FGD3: variants seen among roughly 807,000 people sequenced by gnomAD.
FGD3 encodes the protein FYVE, RhoGEF and PH domain-containing protein 3.
Under a neutral mutation model 71.8 loss-of-function variants are expected in FGD3, and 45 were observed. That is an observed-to-expected ratio of 0.63 (90% CI 0.49 to 0.80). FGD3 has a LOEUF of 0.80. Among genes scored for constraint, FGD3 ranks in the 30% least tolerant of loss-of-function variants. FGD3 has a pLI of 0.00. For synonymous variants in FGD3, 378 were observed against 392.8 expected, an observed-to-expected ratio of 0.96 and a Z score of 0.44; for missense variants, 844 against 951.5, an observed-to-expected ratio of 0.89 and a Z score of 1.49.
In FGD3 at chr9:93,032,833, A is replaced by T. The variant is rs1862408000; in HGVS notation, c.1745A>T (p.Asp582Val). 1 of 1,614,072 alleles carries T rather than the reference A, an allele frequency of 6.2e-7. No individual in the cohort carries two copies. The highest frequency in any genetic ancestry group is 8.5e-7 in the Non-Finnish European group (1 of 1,180,020). Reference sequence around the variant, plus strand: ...AGCCGGCAGAGCCGTGTCTGCAGAGATTGTTTCCTGACACAGCCAGTGGCC... The same window carrying T: ...AGCCGGCAGAGCCGTGTCTGCAGAGTTTGTTTCCTGACACAGCCAGTGGCC... Reference protein sequence around the residue: ...ENSRQSRVCRDCFLTQPVAPE... With the variant: ...ENSRQSRVCRVCFLTQPVAPE... Residue 582 changes from aspartate (D) to valine (V), a missense_variant, in exon 16 of 18, where the codon GAT becomes GTT. Asp to Val is a radical substitution (Grantham distance 152). Transcript: ENST00000375482.
At chr9:92,955,871 A>T (rs775884830) in intron 1 of FGD3, among the ~76,000 whole-genome samples, 3 of 152,202 alleles carry the variant, frequency 2.0e-5, no homozygotes, top group Non-Finnish European at 4.4e-5. Flanking sequence ...ATCCCTTGGG[A>T]TTCCTCTAAG....
intron 3 of FGD3, among the ~76,000 whole-genome samples, chr9:92,990,479 G>A (rs1860364981): frequency 6.6e-6 from 1 of 152,180 alleles, no homozygotes; most frequent in Non-Finnish European, 1.5e-5. Flanking sequence ...GGGGAAAGTG[G>A]GCATCCTTGT....
intron 14 of FGD3, among the ~76,000 whole-genome samples, chr9:93,023,552 T>C (rs576408410): frequency 2.5e-4 from 38 of 152,216 alleles, no homozygotes; most frequent in African/African-American, 9.1e-4. Flanking sequence ...GGTGGGCAGC[T>C]TGGGGGAAAG....
chr9:92,972,902 C>T (rs1227938889), intron 1 of FGD3, among the ~76,000 whole-genome samples: 1 of 152,126 alleles, frequency 6.6e-6, no homozygotes, highest in Non-Finnish European at 1.5e-5. Flanking sequence ...TGGTCTCACA[C>T]TTCGTAGTTT....
chr9:93,007,129 A>C (rs577428787), intron 6 of FGD3, among the ~76,000 whole-genome samples: 3 of 146,684 alleles, frequency 2.0e-5, no homozygotes, highest in Non-Finnish European at 3.0e-5. Context: ...CTCACTCTGT[A>C]GCCCAGGCTG....
chr9:92,953,657 A>G (rs1196602681), intron 1 of FGD3, among the ~76,000 whole-genome samples: 1 of 152,206 alleles, frequency 6.6e-6, no homozygotes, highest in African/African-American at 2.4e-5. Context: ...ACAGTTCCAG[A>G]TCTGGGCTTG....
intron 1 of FGD3, among the ~76,000 whole-genome samples, chr9:92,973,787 G>C (rs1338483554): frequency 1.3e-5 from 2 of 152,164 alleles, no homozygotes; most frequent in East Asian, 3.9e-4. Flanking sequence ...CACACATGCT[G>C]AACGGTCCTC....
intron 10 of FGD3, among the ~76,000 whole-genome samples, chr9:93,016,518 A>C (rs1040364281): frequency 4.7e-5 from 7 of 150,500 alleles, no homozygotes; most frequent in African/African-American, 1.7e-4. Context: ...TTGTATTTTT[A>C]GTAGAGAAGG....
intron 1 of FGD3, among the ~76,000 whole-genome samples, chr9:92,973,167 T>G (rs1859600589): frequency 7.1e-6 from 1 of 139,902 alleles, no homozygotes; most frequent in Non-Finnish European, 1.5e-5. Context: ...CAGGCTGGAG[T>G]GCAGTTGTGC....
chr9:93,004,544 G>A (rs1244231627), intron 5 of FGD3, among the ~76,000 whole-genome samples: 1 of 152,132 alleles, frequency 6.6e-6, no homozygotes, highest in Non-Finnish European at 1.5e-5. Flanking sequence ...TCCTCCTCCT[G>A]CTGTCCCTGT....
chr9:93,032,004 T>C (rs1003624339), intron 15 of FGD3, among the ~76,000 whole-genome samples: 17 of 152,202 alleles, frequency 1.1e-4, no homozygotes, highest in Admixed American at 1.1e-3. Flanking sequence ...GAAAAGTCAC[T>C]GAGGAGCACT....
intron 1 of FGD3, among the ~76,000 whole-genome samples, chr9:92,952,388 C>T (rs1858970644): frequency 2.6e-5 from 4 of 152,230 alleles, no homozygotes; most frequent in Admixed American, 2.6e-4. Flanking sequence ...AGGCACCCGC[C>T]ACCACGCCCG....
chr9:92,996,248 T>G (rs1005801362), intron 3 of FGD3, among the ~76,000 whole-genome samples: 11 of 152,324 alleles, frequency 7.2e-5, no homozygotes, highest in Non-Finnish European at 1.3e-4. Context: ...TCTTCTAGAT[T>G]TTCTAGTTTA....
At chr9:93,026,880 G>T (rs1468237762) in intron 14 of FGD3, among the ~76,000 whole-genome samples, 4 of 152,260 alleles carry the variant, frequency 2.6e-5, no homozygotes, top group Admixed American at 2.6e-4. Context: ...CCGGGGTCAA[G>T]AGCAGGCAGT....
In FGD3 at chr9:93,028,448, C is replaced by T. The variant is rs559403925; in HGVS notation, c.1558-1426C>T. 6.1e-4 allele frequency among the ~76,000 whole-genome samples: 93 copies of T among 152,062 alleles called. 2 individuals are homozygous for T. In the South Asian group the frequency reaches 0.018, roughly 29 times the overall value. On this transcript the variant is annotated intron_variant, in intron 14 of 17. Coordinates refer to ENST00000375482, the MANE Select transcript of FGD3 (RefSeq NM_001083536.2). ...GTTCCAGCTCTGACATCCTGGGGAA[C>T]TCGATACATATCTTTGCCTTTTCCT...
chr9:92,966,513 C>G (rs1187167195), intron 1 of FGD3, among the ~76,000 whole-genome samples: 2 of 152,262 alleles, frequency 1.3e-5, no homozygotes, highest in Admixed American at 1.3e-4. Flanking sequence ...CTCTGTGCCA[C>G]AAGGTGTGCT....
At chr9:92,970,214 G>A (rs1399051300) in intron 1 of FGD3, among the ~76,000 whole-genome samples, 1 of 152,226 alleles carries the variant, frequency 6.6e-6, no homozygotes, top group Non-Finnish European at 1.5e-5. Context: ...CTCATATGAA[G>A]GACAGAAACG....
intron 12 of FGD3, 23 bp downstream of exon 12, chr9:93,019,884 GTAA>G (rs1278679668): frequency 1.2e-6 from 2 of 1,613,574 alleles, no homozygotes; most frequent in Non-Finnish European, 1.7e-6. Flanking sequence ...AAGTTGTAAA[GTAA>G]CCAAATGACC....
chr9:93,019,945 C>T lies in FGD3; in HGVS notation c.1386+84C>T. 3 of 1,477,230 alleles carry T rather than the reference C, an allele frequency of 2.0e-6. No homozygotes were observed. In the Admixed American group the frequency reaches 5.0e-5, roughly 25 times the overall value. 91.5% of individuals were successfully genotyped at this position (1,477,230 alleles called of 1,614,324 possible). On this transcript the variant is annotated intron_variant, in intron 12 of 17. Transcript: ENST00000375482. ...TTCATGTTGGTTCAGAGGGTGGGGG[C>T]CCTGGCCTCCGGGACTGCTGGCCCT...
Sources: allele counts gnomAD v4.1 joint callset (sites outside exome capture counted in the v4.1 genomes callset), GRCh38; gene constraint gnomAD v4.1.1; transcripts MANE v1.5; gene names NCBI Gene and HGNC (gene_info 2026-07-23, HGNC 2026-07-21).